Variants in ST7 observed in about 807,000 individuals in gnomAD.
The protein encoded by ST7 is suppression of tumorigenicity 7.
A neutral mutation model predicts 78.7 loss-of-function variants in ST7; 28 were observed. That is an observed-to-expected ratio of 0.36 (90% CI 0.26 to 0.49). The LOEUF is 0.49. Among genes scored for constraint, ST7 ranks in the 20% least tolerant of loss-of-function variants. ST7 has a pLI of 0.99. For synonymous variants in ST7, 247 were observed against 249.6 expected, an observed-to-expected ratio of 0.99 and a Z score of 0.10; for missense variants, 418 against 696.0, an observed-to-expected ratio of 0.60 and a Z score of 4.49.
intron 12 of ST7, among the ~76,000 whole-genome samples, chr7:117,206,906 A>T (rs890004912): frequency 6.6e-6 from 1 of 152,220 alleles, no homozygotes; most frequent in Non-Finnish European, 1.5e-5. Context: ...GCATTGTCCA[A>T]TACAGTAGTT....
chr7:117,145,702 G>A (rs1359140688), intron 9 of ST7: 1 of 152,156 alleles, frequency 6.6e-6, no homozygotes, highest in African/African-American at 2.4e-5. Flanking sequence ...CACATTCATA[G>A]GTACTGAGGG....
chr7:117,125,978 AC>A (rs1803802987), intron 3 of ST7, among the ~76,000 whole-genome samples: 1 of 151,962 alleles, frequency 6.6e-6, no homozygotes, highest in Non-Finnish European at 1.5e-5. Flanking sequence ...GCTTTTCTGT[AC>A]TTTTTACTTA....
intron 1 of ST7, among the ~76,000 whole-genome samples, chr7:117,048,434 A>G (rs1480643865): frequency 6.6e-6 from 1 of 152,160 alleles, no homozygotes; most frequent in Non-Finnish European, 1.5e-5. Context: ...TAGATTATCT[A>G]ATGTCAGTTT....
intron 10 of ST7, among the ~76,000 whole-genome samples, chr7:117,172,330 G>A (rs1563140607): frequency 6.6e-6 from 1 of 152,146 alleles, no homozygotes; most frequent in Non-Finnish European, 1.5e-5. Flanking sequence ...AGGGAACTCA[G>A]GCATTATGAG....
chr7:117,034,916 G>A (rs959974746), intron 1 of ST7, among the ~76,000 whole-genome samples: 30 of 152,046 alleles, frequency 2.0e-4, no homozygotes, highest in African/African-American at 7.0e-4. Flanking sequence ...TTTCTTTTAG[G>A]ATTTATACTA....
intron 1 of ST7, among the ~76,000 whole-genome samples, chr7:116,996,206 C>T (rs985405333): frequency 1.6e-4 from 25 of 151,880 alleles, no homozygotes; most frequent in Admixed American, 3.3e-4. Context: ...CTCAGCCTCC[C>T]GAGTAGCTGG....
chr7:117,068,417 C>G (rs905614028), intron 1 of ST7, among the ~76,000 whole-genome samples: 1 of 152,170 alleles, frequency 6.6e-6, no homozygotes, highest in African/African-American at 2.4e-5. Flanking sequence ...TAAACTTTCT[C>G]ACAAATTGTT....
intron 1 of ST7, among the ~76,000 whole-genome samples, chr7:116,971,238 C>T (rs1264113237): frequency 2.0e-5 from 3 of 152,142 alleles, no homozygotes; most frequent in Non-Finnish European, 4.4e-5. Context: ...TGTACATAAG[C>T]TATTCAAGAT....
At chr7:116,959,888 C>T (rs529545015) in intron 1 of ST7, 5 of 152,522 alleles carry the variant, frequency 3.3e-5, no homozygotes, top group South Asian at 2.1e-4. Flanking sequence ...CCTTCTAGCT[C>T]TGGGATTCTG....
intron 10 of ST7, among the ~76,000 whole-genome samples, chr7:117,176,954 C>T (rs1472763894): frequency 1.3e-5 from 2 of 152,118 alleles, no homozygotes; most frequent in South Asian, 2.1e-4. Context: ...CTCGCTGTTA[C>T]GGAAAAGATC....
At chr7:117,041,717 T>C (rs1797242234) in intron 1 of ST7, among the ~76,000 whole-genome samples, 1 of 152,204 alleles carries the variant, frequency 6.6e-6, no homozygotes, top group South Asian at 2.1e-4. Flanking sequence ...CTGAACTGTG[T>C]ACCCATACCT....
chr7:117,002,185 G>A (rs1014134651), intron 1 of ST7, among the ~76,000 whole-genome samples: 4 of 152,072 alleles, frequency 2.6e-5, no homozygotes, highest in Non-Finnish European at 4.4e-5. Flanking sequence ...CCGAGGTCGC[G>A]CCACTGTACT....
At chr7:117,050,802 C>T (rs544085220) in intron 1 of ST7, among the ~76,000 whole-genome samples, 198 of 152,096 alleles carry the variant, frequency 1.3e-3, no homozygotes, top group Non-Finnish European at 2.0e-3. Flanking sequence ...TGATGGCGCA[C>T]GCCTGTAGTC....
At chr7:117,229,699 G>A (rs2116250801) in intron 15 of ST7, 63 bp from the exon 16 acceptor site, 1 of 1,377,786 alleles carries the variant, frequency 7.3e-7, no homozygotes, top group South Asian at 1.3e-5. Flanking sequence ...GGGTGGAGAG[G>A]TTTGTTTTAT....
chr7:117,197,457 C>T (rs1810423086), intron 12 of ST7, among the ~76,000 whole-genome samples: 1 of 152,174 alleles, frequency 6.6e-6, no homozygotes, highest in South Asian at 2.1e-4. Flanking sequence ...ATGGGAATTA[C>T]TAAGTCATGT....
At chr7:117,200,443 T>C (rs561751399) in intron 12 of ST7, among the ~76,000 whole-genome samples, 1 of 152,320 alleles carries the variant, frequency 6.6e-6, no homozygotes, top group East Asian at 1.9e-4. Flanking sequence ...GTCCACGTGC[T>C]GTAGACAGAG....
intron 1 of ST7, chr7:116,958,631 A>G (rs778103558): frequency 1.9e-5 from 9 of 471,274 alleles, no homozygotes; most frequent in South Asian, 1.4e-4. Context: ...AGCTGCAGAA[A>G]AGACAGGCTT....
In ST7 at chr7:117,219,311, A is replaced by G. The variant is rs1409530223; in HGVS notation, c.1498+135A>G. 1 of 720,450 alleles carries G rather than the reference A, an allele frequency of 1.4e-6. No individual in the cohort carries two copies. The highest frequency in any genetic ancestry group is 1.8e-5 in the South Asian group (1 of 54,680). The allele number at this position is 720,450 out of a possible 1,614,324, so 44.6% of individuals were successfully genotyped here. A position where few individuals can be genotyped will look rare whatever the true frequency, so the allele number is the denominator to read the frequency against. ...CAAACCCCTGTCCTTGTTTGATAGC[A>G]TATGTATTAAAGTGAATTATGTGAG... On this transcript the variant is annotated intron_variant, in intron 14 of 15. Transcript: ENST00000323984. This position sits in a 1 kb window ranked among gnomAD's most constrained non-coding sequence, Gnocchi z 5.1.
intron 10 of ST7, among the ~76,000 whole-genome samples, chr7:117,175,754 A>T (rs1808301646): frequency 6.6e-6 from 1 of 152,240 alleles, no homozygotes; most frequent in Non-Finnish European, 1.5e-5. Flanking sequence ...AGTGTCAAGA[A>T]CAGTGTGGGA....
Sources: allele counts gnomAD v4.1 joint callset (sites outside exome capture counted in the v4.1 genomes callset), GRCh38; gene constraint gnomAD v4.1.1; non-coding constraint Gnocchi (gnomAD v3.1); transcripts MANE v1.5; gene names NCBI Gene and HGNC (gene_info 2026-07-23, HGNC 2026-07-21).